BAIAP2: variants seen among roughly 807,000 people sequenced by gnomAD.
The protein encoded by BAIAP2 is BAR/IMD domain-containing adapter protein 2.
A neutral mutation model predicts 63.0 loss-of-function variants in BAIAP2; 18 were observed. The ratio of observed to expected loss-of-function variants is 0.29; its 90% CI spans 0.20 to 0.42. BAIAP2 has a LOEUF of 0.42. Among genes scored for constraint, BAIAP2 ranks in the 10% least tolerant of loss-of-function variants. The pLI, the probability that BAIAP2 is intolerant of heterozygous loss-of-function variation, is 1.00. For missense variants in BAIAP2, 610 were observed against 734.3 expected, an observed-to-expected ratio of 0.83 and a Z score of 1.96; for synonymous variants, 386 against 307.6, an observed-to-expected ratio of 1.25 and a Z score of -2.67.
chr17:81,104,451 T>A, intron 9 of BAIAP2, 63 bp from the exon 10 acceptor site: 1 of 1,509,748 alleles, frequency 6.6e-7, no homozygotes, highest in African/African-American at 1.4e-5. Flanking sequence ...TCAACCAGAC[T>A]CCCTGGGCTT....
intron 6 of BAIAP2, among the ~76,000 whole-genome samples, chr17:81,089,277 C>T (rs944317509): frequency 2.6e-5 from 4 of 152,148 alleles, no homozygotes; most frequent in East Asian, 1.9e-4. Flanking sequence ...CTGTTCTTCT[C>T]ATGGGGGCTG....
intron 3 of BAIAP2, among the ~76,000 whole-genome samples, chr17:81,074,276 G>GTGCC (rs752238516): frequency 2.0e-5 from 3 of 152,244 alleles, no homozygotes; most frequent in East Asian, 1.9e-4. Context: ...AAGTGCCTGT[G>GTGCC]TGTCTGTGTG....
At chr17:81,093,868 G>A (rs997507037) in intron 6 of BAIAP2, among the ~76,000 whole-genome samples, 1 of 152,206 alleles carries the variant, frequency 6.6e-6, no homozygotes, top group Non-Finnish European at 1.5e-5. Flanking sequence ...CGACGTGCGG[G>A]GGGTGTGAAG....
chr17:81,116,017 G>A lies in BAIAP2; in HGVS notation c.*178G>A. On this transcript the variant is annotated 3_prime_UTR_variant, in exon 14 of 14. Coordinates refer to ENST00000428708, the MANE Select transcript of BAIAP2 (RefSeq NM_001144888.2). ...GCTGTTCTAGGCAGGGCCGGGCAGA[G>A]TGGGGCGCAGGCCCCTGAAGGGCGA... The A allele has an allele frequency of 6.8e-7, 1 of 1,461,104 alleles. No individual in the cohort carries two copies. The highest frequency in any genetic ancestry group is 9.0e-7 in the Non-Finnish European group (1 of 1,109,234). The allele number at this position is 1,461,104 out of a possible 1,614,324, so 90.5% of individuals were successfully genotyped here.
At chr17:81,054,388 G>A (rs2049133674) in intron 2 of BAIAP2, among the ~76,000 whole-genome samples, 1 of 152,214 alleles carries the variant, frequency 6.6e-6, no homozygotes, top group Non-Finnish European at 1.5e-5. Context: ...GGCACAGCCT[G>A]TGGGGCCTGG....
chr17:81,082,318 G>C (rs949336243), intron 3 of BAIAP2, among the ~76,000 whole-genome samples: 6 of 152,170 alleles, frequency 3.9e-5, no homozygotes, highest in Non-Finnish European at 8.8e-5. Context: ...GCTCATGCCC[G>C]CACACATATG....
intron 6 of BAIAP2, among the ~76,000 whole-genome samples, chr17:81,093,029 C>T (rs1035503198): frequency 1.3e-5 from 2 of 151,936 alleles, no homozygotes; most frequent in African/African-American, 2.4e-5. Context: ...TCCACATGCC[C>T]CATCCTGCAT....
In BAIAP2 at chr17:81,101,541, G is replaced by A. The variant is rs374683047; in HGVS notation, c.642+1461G>A. ...AGCCCACCAGGGAGGCCCTGGTCAT[G>A]TCTTTCTAAAATAAAGGGTTGCAGG... is the stretch of plus-strand genomic sequence containing the variant. On this transcript the variant is annotated intron_variant, in intron 7 of 13. Transcript: ENST00000428708. Among the ~76,000 whole-genome samples, 6 of 152,210 alleles carry A rather than the reference G, an allele frequency of 3.9e-5. No individual in the cohort carries two copies. In the South Asian group the frequency reaches 1.0e-3, roughly 26 times the overall value.
intron 3 of BAIAP2, among the ~76,000 whole-genome samples, chr17:81,060,514 G>C (rs993473976): frequency 1.3e-5 from 2 of 152,102 alleles, no homozygotes; most frequent in East Asian, 3.9e-4. Context: ...GCTATAGCCC[G>C]TGTCAGGGCT....
rs1361521420 is a variant in BAIAP2 at position 81,103,939 on chromosome 17, G to A, written c.897G>A (p.Met299Ile). ...RMSAQESTPI[M>I]NGVTGPDGED... Reference sequence around the variant, plus strand: ...CTGCCCAGGAGAGCACACCCATCATGAACGGCGTCACAGGCCCGGATGGCG... The same window carrying A: ...CTGCCCAGGAGAGCACACCCATCATAAACGGCGTCACAGGCCCGGATGGCG... The change falls in exon 9 of 14, where the codon ATG becomes ATA. Residue 299 changes from methionine (M) to isoleucine (I), a missense_variant. This residue lies in a region of BAIAP2 where 389 missense variants were observed against 455.6 expected (regional missense o/e 0.85). Transcript: ENST00000428708. 1 of 1,613,030 alleles carries A rather than the reference G, an allele frequency of 6.2e-7. No individual in the cohort carries two copies. Among genetic ancestry groups the A allele is most frequent in the Admixed American group, 1.7e-5 (1 of 60,032 alleles).
intron 13 of BAIAP2, among the ~76,000 whole-genome samples, chr17:81,111,869 C>A (rs1168012267): frequency 6.6e-6 from 1 of 152,260 alleles, no homozygotes; most frequent in Non-Finnish European, 1.5e-5. Context: ...CTCTGCAAAG[C>A]CAGTGCCTGC....
intron 3 of BAIAP2, among the ~76,000 whole-genome samples, chr17:81,074,827 C>T (rs905820786): frequency 6.6e-6 from 1 of 152,198 alleles, no homozygotes; most frequent in Non-Finnish European, 1.5e-5. Context: ...TGTGGGTGTA[C>T]CTATACATCA....
rs9901252 is a variant in BAIAP2 at position 81,044,796 on chromosome 17, C to T, written c.55-8872C>T. Among the ~76,000 whole-genome samples, 10 of 152,352 alleles carry T rather than the reference C, an allele frequency of 6.6e-5. No homozygotes were observed. In the East Asian group the frequency reaches 1.7e-3, roughly 26 times the overall value. On this transcript the variant is annotated intron_variant, in intron 1 of 13. Coordinates refer to ENST00000428708, the MANE Select transcript of BAIAP2 (RefSeq NM_001144888.2). ...GTTTATGACAACAGGAAGGTTTCCA[C>T]GGGGACAGCTGATTCTATTGGACGA...
At chr17:81,047,341 C>G (rs1430529581) in intron 1 of BAIAP2, among the ~76,000 whole-genome samples, 1 of 152,132 alleles carries the variant, frequency 6.6e-6, no homozygotes, top group African/African-American at 2.4e-5. Flanking sequence ...GGGACAGTGA[C>G]TCTCATGGAG....
chr17:81,095,295 T>C (rs1168720432), intron 6 of BAIAP2, among the ~76,000 whole-genome samples: 1 of 152,132 alleles, frequency 6.6e-6, no homozygotes, highest in African/African-American at 2.4e-5. Context: ...CCGTGCTCTG[T>C]CCCCTGCACT....
chr17:81,113,904 C>T (rs2060200470), intron 13 of BAIAP2, among the ~76,000 whole-genome samples: 1 of 151,492 alleles, frequency 6.6e-6, no homozygotes, highest in South Asian at 2.1e-4. Flanking sequence ...CACGCGGCTG[C>T]ACTGCCCTCG....
At chr17:81,088,847 C>T (rs1314917052) in intron 6 of BAIAP2, among the ~76,000 whole-genome samples, 1 of 152,220 alleles carries the variant, frequency 6.6e-6, no homozygotes, top group Non-Finnish European at 1.5e-5. Flanking sequence ...GAGATCGCGG[C>T]GGGGTAGCAT....
At position 81,057,873 on chromosome 17, in the gene BAIAP2, T is replaced by C. The variant is rs1447868876; in HGVS notation, c.131-8T>C. 1 of 1,606,174 alleles carries C rather than the reference T, an allele frequency of 6.2e-7. No homozygotes were observed. Among genetic ancestry groups the C allele is most frequent in the Admixed American group, 1.7e-5 (1 of 59,058 alleles). ...AGGAAATAACTGCTCCCTTTTCTTC[T>C]CTCTCAGGTGTGACGTATGCAGCCA... On this transcript the variant is annotated splice_polypyrimidine_tract_variant and splice_region_variant and intron_variant, in intron 2 of 13. Coordinates refer to ENST00000428708, the MANE Select transcript of BAIAP2 (RefSeq NM_001144888.2).
chr17:81,110,692 GC>G (rs1410026272), intron 13 of BAIAP2, among the ~76,000 whole-genome samples: 1 of 152,200 alleles, frequency 6.6e-6, no homozygotes. Flanking sequence ...TCTGCGGGGG[GC>G]CGTCTGCAGC....
Sources: allele counts gnomAD v4.1 joint callset (sites outside exome capture counted in the v4.1 genomes callset), GRCh38; gene constraint gnomAD v4.1.1; regional missense constraint gnomAD v4.1.1; transcripts MANE v1.5; gene names NCBI Gene and HGNC (gene_info 2026-07-23, HGNC 2026-07-21).